Variants in NDUFAF2 observed in about 807,000 individuals in gnomAD.
The protein encoded by NDUFAF2 is NADH:ubiquinone oxidoreductase complex assembly factor 2.
A neutral mutation model predicts 22.8 loss-of-function variants in NDUFAF2; 13 were observed. The observed-to-expected ratio is 0.57, with a 90% CI of 0.37 to 0.91. The LOEUF (loss-of-function observed/expected upper bound fraction) is 0.91. Among genes scored for constraint, NDUFAF2 ranks in the 40% least tolerant of loss-of-function variants. NDUFAF2 has a pLI of 0.01. For missense variants in NDUFAF2, 162 were observed against 195.2 expected, an observed-to-expected ratio of 0.83 and a Z score of 1.01; for synonymous variants, 53 against 64.2, an observed-to-expected ratio of 0.83 and a Z score of 0.84.
chr5:60,961,594 CAA>C (rs36041608), intron 1 of NDUFAF2, among the ~76,000 whole-genome samples: 80 of 56,682 alleles, frequency 1.4e-3, no homozygotes, highest in Admixed American at 3.2e-3. Flanking sequence ...GACTCTGTCT[CAA>C]AAAAAAAAAA....
At chr5:61,007,362 A>G (rs2112595045) in intron 1 of NDUFAF2, among the ~76,000 whole-genome samples, 1 of 152,184 alleles carries the variant, frequency 6.6e-6, no homozygotes, top group African/African-American at 2.4e-5. Context: ...AGCACCATTT[A>G]TTAAATAGGG....
chr5:61,133,493 T>C (rs1173949071), intron 3 of NDUFAF2, among the ~76,000 whole-genome samples: 1 of 152,226 alleles, frequency 6.6e-6, no homozygotes, highest in Non-Finnish European at 1.5e-5. Context: ...GTTTTTAAAC[T>C]AGTATAAATT....
At chr5:61,126,756 A>T (rs975765541) in intron 3 of NDUFAF2, among the ~76,000 whole-genome samples, 1 of 152,028 alleles carries the variant, frequency 6.6e-6, no homozygotes, top group African/African-American at 2.4e-5. Flanking sequence ...ACCTAAGAAA[A>T]CATCACAGTT....
At chr5:61,096,597 C>CAAAAAAAAA (rs35508356) in intron 2 of NDUFAF2, among the ~76,000 whole-genome samples, 1 of 95,296 alleles carries the variant, frequency 1.0e-5, no homozygotes, top group Non-Finnish European at 2.1e-5. Context: ...GACACCATTG[C>CAAAAAAAAA]AAAAAAAAAA....
chr5:61,022,709 A>T (rs1001387695), intron 1 of NDUFAF2, among the ~76,000 whole-genome samples: 4 of 152,130 alleles, frequency 2.6e-5, no homozygotes, highest in African/African-American at 9.7e-5. Flanking sequence ...TAGTGGCGTG[A>T]TCTCAGCTCA....
At chr5:60,947,170 G>A (rs1441711526) in intron 1 of NDUFAF2, among the ~76,000 whole-genome samples, 2 of 152,130 alleles carry the variant, frequency 1.3e-5, no homozygotes, top group African/African-American at 4.8e-5. Flanking sequence ...TGATCAATGT[G>A]TGTTTAACTT....
intron 3 of NDUFAF2, 21 bp from the exon 4 acceptor site, chr5:61,152,673 AATAATTTCTT>A: frequency 4.9e-6 from 7 of 1,415,778 alleles, no homozygotes; most frequent in Non-Finnish European, 6.6e-6. Flanking sequence ...CTAGAAATTT[AATAATTTCTT>A]CCATTTATAT....
intron 3 of NDUFAF2, among the ~76,000 whole-genome samples, chr5:61,147,908 G>A (rs1305883614): frequency 6.6e-6 from 1 of 152,106 alleles, no homozygotes; most frequent in African/African-American, 2.4e-5. Flanking sequence ...TGGCTGGTTA[G>A]AACTTGACTT....
intron 1 of NDUFAF2, among the ~76,000 whole-genome samples, chr5:61,047,187 C>T (rs983996516): frequency 6.6e-6 from 1 of 152,082 alleles, no homozygotes; most frequent in African/African-American, 2.4e-5. Flanking sequence ...AGTATTAATA[C>T]AAACTGATAG....
intron 1 of NDUFAF2, among the ~76,000 whole-genome samples, chr5:61,069,248 C>G (rs1752266542): frequency 6.6e-6 from 1 of 151,386 alleles, no homozygotes; most frequent in African/African-American, 2.4e-5. Flanking sequence ...GTAATCCAAG[C>G]AAGACTTTGA....
chr5:61,080,300 C>A (rs564717297), intron 2 of NDUFAF2, among the ~76,000 whole-genome samples: 34 of 152,178 alleles, frequency 2.2e-4, no homozygotes, highest in Middle Eastern at 3.4e-3. Context: ...TCAAATAAGT[C>A]CTTGGGCAGG....
intron 1 of NDUFAF2, among the ~76,000 whole-genome samples, chr5:60,959,863 G>A (rs1452450438): frequency 6.6e-6 from 1 of 151,984 alleles, no homozygotes; most frequent in East Asian, 1.9e-4. Context: ...CCCTTAGTTC[G>A]TGTGTATATG....
At chr5:60,984,852 T>TG (rs1491390214) in intron 1 of NDUFAF2, among the ~76,000 whole-genome samples, 20 of 149,370 alleles carry the variant, frequency 1.3e-4, no homozygotes, top group Non-Finnish European at 2.6e-4. Flanking sequence ...GGTGTAAAAT[T>TG]CTCTTTTTTT....
chr5:61,018,958 A>T (rs1051671658), intron 1 of NDUFAF2, among the ~76,000 whole-genome samples: 12 of 152,098 alleles, frequency 7.9e-5, no homozygotes, highest in African/African-American at 2.9e-4. Context: ...ATGCACACAC[A>T]AAAAATAAGT....
intron 1 of NDUFAF2, among the ~76,000 whole-genome samples, chr5:60,967,472 G>C (rs1015699456): frequency 9.2e-5 from 14 of 151,492 alleles, no homozygotes; most frequent in African/African-American, 3.4e-4. Context: ...TTAACTATAT[G>C]TTTATCATAT....
intron 1 of NDUFAF2, among the ~76,000 whole-genome samples, chr5:60,981,715 C>G (rs1349992475): frequency 6.6e-6 from 1 of 152,024 alleles, no homozygotes; most frequent in African/African-American, 2.4e-5. Context: ...ATTAGCAGAG[C>G]TATATTAACC....
intron 3 of NDUFAF2, among the ~76,000 whole-genome samples, chr5:61,138,694 C>A (rs1740999916): frequency 6.6e-6 from 1 of 152,136 alleles, no homozygotes; most frequent in South Asian, 2.1e-4. Context: ...ACAAGGCAAA[C>A]CTTCTAGGGG....
intron 2 of NDUFAF2, among the ~76,000 whole-genome samples, chr5:61,091,286 A>C (rs1752565862): frequency 1.3e-5 from 2 of 152,160 alleles, no homozygotes; most frequent in African/African-American, 4.8e-5. Context: ...TGGTTGAACC[A>C]ATTTACACTC....
At chr5:61,090,305 T>C (rs927257001) in intron 2 of NDUFAF2, among the ~76,000 whole-genome samples, 1 of 152,078 alleles carries the variant, frequency 6.6e-6, no homozygotes, top group Non-Finnish European at 1.5e-5. Flanking sequence ...TACTCAACTC[T>C]AATGTTGTAG....
Sources: gnomAD v4.1 joint callset for allele counts (sites outside exome capture counted in the v4.1 genomes callset) on GRCh38, gnomAD v4.1.1 for gene constraint, MANE v1.5 for transcripts, NCBI Gene and HGNC (gene_info 2026-07-23, HGNC 2026-07-21) for gene names.